Variants in FMNL1 observed in about 807,000 individuals in gnomAD.
FMNL1 encodes formin like 1.
A neutral mutation model predicts 121.3 loss-of-function variants in FMNL1; 43 were observed. The ratio of observed to expected loss-of-function variants is 0.35; its 90% CI spans 0.28 to 0.46. The LOEUF (loss-of-function observed/expected upper bound fraction) is 0.46, where lower values mean the gene tolerates loss of function less well. FMNL1 is among the 20% of genes least tolerant of loss of function. The pLI is 1.00. For missense variants in FMNL1, 1,191 were observed against 1,482.4 expected (o/e 0.80, Z 3.23); for synonymous variants, 613 against 613.5 (o/e 1.00, Z 0.01).
At chr17:45,228,316 C>A (rs1232167310) in intron 1 of FMNL1, among the ~76,000 whole-genome samples, 2 of 152,090 alleles carry the variant, frequency 1.3e-5, no homozygotes, top group Admixed American at 1.3e-4. Flanking sequence ...CTGAGAAGGC[C>A]CAGGTGGGGA....
rs764945252 is a variant in FMNL1, at chr17:45,232,418, A to C, written c.265A>C (p.Ser89Arg). Residue 89 changes from serine to arginine, a missense_variant, in exon 3 of 27, where the codon AGC (serine) becomes CGC (arginine). Ser to Arg is a moderately radical substitution (Grantham distance 110). Coordinates refer to ENST00000331495, the MANE Select transcript of FMNL1 (RefSeq NM_005892.4). ...PPAAYIQKLK[S>R]YVDTGGVSRK... is the part of the protein sequence containing the mutation. ...CGCAGCCTACATCCAGAAGCTGAAG[A>C]GCTATGTGGATACTGGTGGGGTCAG... 1 of 1,613,806 alleles carries C rather than the reference A, an allele frequency of 6.2e-7. No homozygotes were observed. The highest frequency in any genetic ancestry group is 8.5e-7 in the Non-Finnish European group (1 of 1,179,898).
chr17:45,242,545 A>G, intron 16 of FMNL1, 80 bp downstream of exon 16: 1 of 1,534,906 alleles, frequency 6.5e-7, no homozygotes, highest in Non-Finnish European at 8.8e-7. Flanking sequence ...CCCTGGGGGT[A>G]GTCATTTTCT....
chr17:45,243,525 CTT>C (rs1185414799), intron 17 of FMNL1, among the ~76,000 whole-genome samples: 1 of 152,254 alleles, frequency 6.6e-6, no homozygotes, highest in African/African-American at 2.4e-5. Context: ...CTCCCTGCCT[CTT>C]TGCCTAGCTG....
At position 45,244,815 on chromosome 17, in the gene FMNL1, C is replaced by G; in HGVS notation, c.2518-4C>G. 6.2e-7 allele frequency: 1 copy of G among 1,609,980 alleles called. No homozygotes were observed. Among genetic ancestry groups the G allele is most frequent in the Non-Finnish European group, 8.5e-7 (1 of 1,177,922 alleles). Reference sequence around the variant, plus strand: ...CTGCTGAGCCTTTCTCCTGCCTCTCCCAGATTGTCCTGGCCTTTGGCAACT... The same window carrying G: ...CTGCTGAGCCTTTCTCCTGCCTCTCGCAGATTGTCCTGGCCTTTGGCAACT... On this transcript the variant is annotated splice_polypyrimidine_tract_variant and splice_region_variant and intron_variant, in intron 19 of 26. Transcript: ENST00000331495.
At chr17:45,227,988 C>G (rs2143232576) in intron 1 of FMNL1, among the ~76,000 whole-genome samples, 1 of 152,286 alleles carries the variant, frequency 6.6e-6, no homozygotes, top group African/African-American at 2.4e-5. Flanking sequence ...CCCACCTGGA[C>G]TGCCAGCCCC....
Position 45,241,519 on chromosome 17 carries a change from T to G in FMNL1, c.1470T>G (p.Arg490=), listed in dbSNP as rs1201354393. The G allele has an allele frequency of 1.3e-6, 2 of 1,580,590 alleles. No homozygotes were observed. Among genetic ancestry groups the G allele is most frequent in the African/African-American group, 2.7e-5 (2 of 74,418 alleles). The change falls in exon 14 of 27, where the codon CGT becomes CGG. Residue 490 remains arginine (R), a synonymous_variant. Coordinates refer to ENST00000331495, the MANE Select transcript of FMNL1 (RefSeq NM_005892.4). This position sits in a 1 kb window ranked among gnomAD's most constrained non-coding sequence, Gnocchi z 7.0. Reference sequence around the variant, plus strand: ...AGCTGGAGGAGAAGGGGTTAATCCGTATTCTGCGGGGGCCGGGGGATGCTG... The same window carrying G: ...AGCTGGAGGAGAAGGGGTTAATCCGGATTCTGCGGGGGCCGGGGGATGCTG... ...VEELEEKGLI[R]ILRGPGDAVS... is the part of the protein sequence containing the mutation.
At chr17:45,230,483 G>C (rs1347675235) in intron 1 of FMNL1, 121 bp from the exon 2 acceptor site, 10 of 804,478 alleles carry the variant, frequency 1.2e-5, no homozygotes, top group African/African-American at 1.7e-5. Flanking sequence ...CCTAGGGTCA[G>C]AGGATTCATG....
chr17:45,232,176 T>A (rs888125273), intron 2 of FMNL1, among the ~76,000 whole-genome samples, 191 bp from the exon 3 acceptor site: 14 of 151,724 alleles, frequency 9.2e-5, no homozygotes, highest in African/African-American at 3.4e-4. Context: ...AAGAGAAAGA[T>A]AAAAGAAAAG....
At chr17:45,222,470 C>G (rs1005996523) in intron 1 of FMNL1, among the ~76,000 whole-genome samples, 5 of 152,198 alleles carry the variant, frequency 3.3e-5, no homozygotes, top group African/African-American at 1.2e-4. Context: ...GCCCGGTCTC[C>G]CTCCCTAAGA....
At chr17:45,246,076 G>GCC (rs5820573) in intron 24 of FMNL1, 103 bp downstream of exon 24, 1 of 1,521,570 alleles carries the variant, frequency 6.6e-7, no homozygotes. Flanking sequence ...GACTGACCCT[G>GCC]CCCCAGGAGC....
intron 12 of FMNL1, 130 bp from the exon 13 acceptor site, chr17:45,240,999 T>C (rs989309416): frequency 2.5e-6 from 3 of 1,185,202 alleles, no homozygotes; most frequent in Non-Finnish European, 3.6e-6. Context: ...CGGCCCACCC[T>C]TGGCACCTGG....
In FMNL1 at chr17:45,245,932, G is replaced by A. The variant is rs143059535; in HGVS notation, c.3049G>A (p.Gly1017Ser). 10 of 1,586,948 alleles carry A rather than the reference G, an allele frequency of 6.3e-6. No individual in the cohort carries two copies. The East Asian group carries it at 2.0e-4, about 32-fold the overall frequency. The change falls in exon 24 of 27, where the codon GGC (glycine) becomes AGC (serine). Residue 1017 changes from glycine (G) to serine (S), a missense_variant. Physicochemically the swap from Gly to Ser is moderately conservative, Grantham distance 56. Transcript: ENST00000331495. ...WKKEAAAQEA[G>S]ADTPGKGEPP... Reference sequence around the variant, plus strand: ...AAAAGAAGCCGCTGCCCAGGAGGCAGGCGCTGATACCCCGGGCAAAGGGGA... The same window carrying A: ...AAAAGAAGCCGCTGCCCAGGAGGCAAGCGCTGATACCCCGGGCAAAGGGGA...
In FMNL1 at chr17:45,233,250, G is replaced by A. The variant is rs1016638197; in HGVS notation, c.354G>A (p.Thr118=). ...LGFKRRVQES[T]QVLRELETSL... Reference sequence around the variant, plus strand: ...TTAAGAGGCGAGTTCAGGAGTCCACGCAGGTGCTACGGGAGCTGGAGACCT... The same window carrying A: ...TTAAGAGGCGAGTTCAGGAGTCCACACAGGTGCTACGGGAGCTGGAGACCT... Residue 118 remains threonine (T), a synonymous_variant, in exon 4 of 27, where the codon ACG becomes ACA. Transcript: ENST00000331495. This position sits in a 1 kb window ranked among gnomAD's most constrained non-coding sequence, Gnocchi z 4.1. 24 of 1,561,364 alleles carry A rather than the reference G, an allele frequency of 1.5e-5. No individual in the cohort carries two copies. Among genetic ancestry groups the A allele is most frequent in the Middle Eastern group, 2.0e-4 (1 of 4,886 alleles).
Position 45,245,926 on chromosome 17 carries a change from G to T in FMNL1, c.3043G>T (p.Glu1015Ter). The T allele has an allele frequency of 6.3e-7, 1 of 1,588,994 alleles. No individual in the cohort carries two copies. The highest frequency in any genetic ancestry group is 8.5e-7 in the Non-Finnish European group (1 of 1,171,536). The change falls in exon 24 of 27, where the codon GAG becomes TAG. Residue 1015 changes from glutamate (E) to a stop codon, truncating the protein, a stop_gained. Coordinates refer to ENST00000331495, the MANE Select transcript of FMNL1 (RefSeq NM_005892.4). LOFTEE classifies it high-confidence loss of function. ...EQWKKEAAAQEAGADTPGKGE... is the reference protein window; with the variant it reads ...EQWKKEAAAQ ...GTGGAAAAAAGAAGCCGCTGCCCAG[G>T]AGGCAGGCGCTGATACCCCGGGCAA...
intron 1 of FMNL1, among the ~76,000 whole-genome samples, chr17:45,228,073 C>T (rs979430122): frequency 6.6e-5 from 10 of 152,148 alleles, no homozygotes; most frequent in East Asian, 1.9e-4. Context: ...GCTGCTGCCT[C>T]GCTGAAGGCC....
Position 45,246,207 on chromosome 17 carries a change from T to C in FMNL1, c.3091-3T>C, listed in dbSNP as rs752174662. 4 of 1,604,830 alleles carry C rather than the reference T, an allele frequency of 2.5e-6. No individual in the cohort carries two copies. The highest frequency in any genetic ancestry group is 8.5e-7 in the Non-Finnish European group (1 of 1,173,114). ...TGGAGCTGGAGCTATAAATTCCCCC[T>C]AGTCACCGCCAAAGGCCCGGCGGCC... On this transcript the variant is annotated splice_region_variant and splice_polypyrimidine_tract_variant and intron_variant, in intron 24 of 26. Transcript: ENST00000331495.
At position 45,238,950 on chromosome 17, in the gene FMNL1, C is replaced by A. The variant is rs762098529; in HGVS notation, c.970-5C>A. 6.2e-7 allele frequency: 1 copy of A among 1,613,486 alleles called. No individual in the cohort carries two copies. The highest frequency in any genetic ancestry group is 1.7e-5 in the Admixed American group (1 of 60,024). On this transcript the variant is annotated splice_polypyrimidine_tract_variant and splice_region_variant and intron_variant, in intron 10 of 26. Transcript: ENST00000331495. ...CATAGATCTCCCCATGTCCCTGGCTCCCAGGTGGCCTGCATGCAGTTCATC... is the reference window on the plus strand; with the variant it reads ...CATAGATCTCCCCATGTCCCTGGCTACCAGGTGGCCTGCATGCAGTTCATC...
rs745809677 is a variant in FMNL1 at position 45,233,179 on chromosome 17, G to A, written c.328-45G>A. 5.8e-6 allele frequency: 9 copies of A among 1,545,170 alleles called. No homozygotes were observed. The East Asian group carries it at 2.2e-4, about 38-fold the overall frequency. ...GCCTCAGGACTTGGTGGGCCTGTGG[G>A]AGGCCGGGCTCCACCCACCAGCCTT... On this transcript the variant is annotated intron_variant, in intron 3 of 26. Transcript: ENST00000331495. This position sits in a 1 kb window ranked among gnomAD's most constrained non-coding sequence, Gnocchi z 4.1.
intron 10 of FMNL1, 40 bp from the exon 11 acceptor site, chr17:45,238,915 C>T (rs372205930): frequency 1.1e-4 from 179 of 1,563,008 alleles, no homozygotes; most frequent in Non-Finnish European, 1.5e-4. Context: ...AGCAACCCCA[C>T]CTAGAGGATC....
Sources: allele counts gnomAD v4.1 joint callset (sites outside exome capture counted in the v4.1 genomes callset), GRCh38; gene constraint gnomAD v4.1.1; non-coding constraint Gnocchi (gnomAD v3.1); transcripts MANE v1.5; gene names NCBI Gene and HGNC (gene_info 2026-07-23, HGNC 2026-07-21).